Variants in C17orf107 observed in about 807,000 individuals in gnomAD.
The protein encoded by C17orf107 is uncharacterized protein C17orf107.
Under a neutral mutation model 8.9 loss-of-function variants are expected in C17orf107, and 9 were observed. The ratio of observed to expected loss-of-function variants is 1.02; its 90% CI spans 0.61 to 1.77. The LOEUF is 1.77. C17orf107 is among the 40% of genes most tolerant of loss of function. The pLI is 0.00. For missense variants in C17orf107, 281 were observed against 249.0 expected (o/e 1.13, Z -0.86); for synonymous variants, 139 against 120.3 (o/e 1.16, Z -1.02).
chr17:4,900,487 T>TA lies in C17orf107; in HGVS notation c.527_528insA (p.Gly177ArgfsTer66). ...CGACAGTCGCAACAGCAGCTAGGCC[T>TA]CGGAATCCCCGGAGAACCGGTGAGC... On this transcript the variant is annotated frameshift_variant, in exon 3 of 3. Transcript: ENST00000381365. LOFTEE classifies it low-confidence loss of function (END_TRUNC). 3 of 1,550,972 alleles carry TA rather than the reference T, an allele frequency of 1.9e-6. No individual in the cohort carries two copies. The highest frequency in any genetic ancestry group is 2.6e-6 in the Non-Finnish European group (3 of 1,146,960).
chr17:4,901,236 C>T lies in C17orf107; in HGVS notation c.*703C>T. The T allele has an allele frequency of 6.3e-7, 1 of 1,585,332 alleles. No homozygotes were observed. Among genetic ancestry groups the T allele is most frequent in the Non-Finnish European group, 8.6e-7 (1 of 1,169,534 alleles). Reference sequence around the variant, plus strand: ...CAGCTGGCTGTCAGAGCGGGGCGCCCGCCGAGCTGACAGCGGGCTGAAGAG... The same window carrying T: ...CAGCTGGCTGTCAGAGCGGGGCGCCTGCCGAGCTGACAGCGGGCTGAAGAG... On this transcript the variant is annotated 3_prime_UTR_variant, in exon 3 of 3. Transcript: ENST00000381365.
chr17:4,904,865 C>T (rs1970072002), downstream of C17orf107, among the ~76,000 whole-genome samples: 1 of 152,168 alleles, frequency 6.6e-6, no homozygotes, highest in Non-Finnish European at 1.5e-5. Flanking sequence ...TGTGTAAAGC[C>T]TCTGTTTCCA....
Position 4,899,947 on chromosome 17 carries a change from G to C in C17orf107, c.78G>C (p.Gln26His). The C allele has an allele frequency of 6.4e-7, 1 of 1,550,804 alleles. No individual in the cohort carries two copies. The highest frequency in any genetic ancestry group is 8.7e-7 in the Non-Finnish European group (1 of 1,146,516). The change falls in exon 2 of 3, where the codon CAG becomes CAC. Residue 26 changes from glutamine (Q) to histidine (H), a missense_variant. By Grantham distance (24) the Gln-to-His change is conservative. Coordinates refer to ENST00000381365, the MANE Select transcript of C17orf107 (RefSeq NM_001145536.2). ...TGCTCCTTCTCCAGGTGGCCCTCCAGCCCCCGCTTCTGTCTTCCCTGGAAC... is the reference window on the plus strand; with the variant it reads ...TGCTCCTTCTCCAGGTGGCCCTCCACCCCCCGCTTCTGTCTTCCCTGGAAC... The part of the protein sequence containing the change: ...HFHSSTEVAL[Q>H]PPLLSSLELS...
At chr17:4,906,714 C>T (rs1970096611), downstream of C17orf107, among the ~76,000 whole-genome samples, 1 of 151,682 alleles carries the variant, frequency 6.6e-6, no homozygotes, top group Non-Finnish European at 1.5e-5. Context: ...TTTTAAAAAA[C>T]AGATGAATGG....
rs746772722 is a variant in C17orf107 at position 4,900,994 on chromosome 17, C to T, written c.*461C>T. The T allele has an allele frequency of 1.2e-6, 2 of 1,613,940 alleles. No homozygotes were observed. The highest frequency in any genetic ancestry group is 1.6e-4 in the Middle Eastern group (1 of 6,062). Reference sequence around the variant, plus strand: ...AGGTTCGGGGCCACTGCTTACCCTGCGCCGGCAGGAAGTAGGCGAGCAGCA... The same window carrying T: ...AGGTTCGGGGCCACTGCTTACCCTGTGCCGGCAGGAAGTAGGCGAGCAGCA... On this transcript the variant is annotated 3_prime_UTR_variant, in exon 3 of 3. Coordinates refer to ENST00000381365, the MANE Select transcript of C17orf107 (RefSeq NM_001145536.2).
Position 4,901,276 on chromosome 17 carries a change from C to T in C17orf107, c.*743C>T. The T allele has an allele frequency of 6.8e-7, 1 of 1,469,616 alleles. No individual in the cohort carries two copies. The highest frequency in any genetic ancestry group is 9.3e-7 in the Non-Finnish European group (1 of 1,073,066). The allele number at this position is 1,469,616 out of a possible 1,614,324, so 91.0% of individuals were successfully genotyped here. A position where few individuals can be genotyped will look rare whatever the true frequency, so the allele number is the denominator to read the frequency against. ...GGGCTGAAGAGGAGGCTGCGGCTGTCTGCACCAGGGTCATGGGCCGTCAGG... is the reference window on the plus strand; with the variant it reads ...GGGCTGAAGAGGAGGCTGCGGCTGTTTGCACCAGGGTCATGGGCCGTCAGG... On this transcript the variant is annotated 3_prime_UTR_variant, in exon 3 of 3. Coordinates refer to ENST00000381365, the MANE Select transcript of C17orf107 (RefSeq NM_001145536.2).
chr17:4,904,359 G>A (rs148974580), downstream of C17orf107, among the ~76,000 whole-genome samples: 136 of 152,040 alleles, frequency 8.9e-4, no homozygotes, highest in African/African-American at 2.8e-3. Context: ...CACCACGCCC[G>A]GCCTCAGTGT....
chr17:4,904,856 G>A (rs561725741), downstream of C17orf107, among the ~76,000 whole-genome samples: 1 of 152,234 alleles, frequency 6.6e-6, no homozygotes, highest in South Asian at 2.1e-4. Context: ...TCCCACACTT[G>A]TGTAAAGCCT....
At position 4,901,839 on chromosome 17, in the gene C17orf107, CCCCGCCCCG is replaced by C; in HGVS notation, c.*1307_*1315del. On this transcript the variant is annotated 3_prime_UTR_variant, in exon 3 of 3. Transcript: ENST00000381365. ...GCCTGGCTCCGCCTCCAGCGCGAAG[CCCCGCCCCG>C]AGGGCGGTGCTTCCCGGTTGGCCCC... is the stretch of plus-strand genomic sequence containing the variant. The C allele has an allele frequency of 2.5e-6, 4 of 1,569,200 alleles. No homozygotes were observed. Among genetic ancestry groups the C allele is most frequent in the Non-Finnish European group, 3.5e-6 (4 of 1,146,142 alleles).
At chr17:4,905,927 G>C (rs1970087719), downstream of C17orf107, among the ~76,000 whole-genome samples, 1 of 152,284 alleles carries the variant, frequency 6.6e-6, no homozygotes, top group Admixed American at 6.5e-5. Context: ...GAACTTACTA[G>C]ACCAGTGTCA....
downstream of C17orf107, among the ~76,000 whole-genome samples, chr17:4,903,314 G>A (rs919758524): frequency 6.6e-6 from 1 of 152,178 alleles, no homozygotes; most frequent in South Asian, 2.1e-4. Context: ...CAACTCCCCA[G>A]CCACAGATGT....
chr17:4,900,796 C>T lies in C17orf107; in HGVS notation c.*263C>T, dbSNP rs919271118. ...CCCGCGGGGGCTCCGGCTTCACCTG[C>T]CCAGGAGCGGCACGCTCAGAGAAGT... On this transcript the variant is annotated 3_prime_UTR_variant, in exon 3 of 3. Transcript: ENST00000381365. The T allele has an allele frequency of 6.2e-7, 1 of 1,613,452 alleles. No individual in the cohort carries two copies. The highest frequency in any genetic ancestry group is 8.5e-7 in the Non-Finnish European group (1 of 1,179,648).
chr17:4,904,358 C>T (rs533806423), downstream of C17orf107, among the ~76,000 whole-genome samples: 13 of 152,170 alleles, frequency 8.5e-5, no homozygotes, highest in African/African-American at 2.4e-4. Context: ...CCACCACGCC[C>T]GGCCTCAGTG....
chr17:4,902,420 A>G lies in C17orf107; in HGVS notation c.*1887A>G, dbSNP rs747504680. The G allele has an allele frequency of 2.5e-6, 4 of 1,614,046 alleles. No homozygotes were observed. The highest frequency in any genetic ancestry group is 3.4e-6 in the Non-Finnish European group (4 of 1,179,982). The stretch of plus-strand genomic sequence containing the variant: ...GGGGAAAAGGGGTGCCCTGGACAAG[A>G]CCTCACACCATTCCCCAGATTTGAC... On this transcript the variant is annotated 3_prime_UTR_variant, in exon 3 of 3. Transcript: ENST00000381365. This position sits in a 1 kb window ranked among gnomAD's most constrained non-coding sequence, Gnocchi z 4.0.
At chr17:4,903,124 G>A, downstream of C17orf107, 1 of 1,573,982 alleles carries the variant, frequency 6.4e-7, no homozygotes, top group Middle Eastern at 1.7e-4. Context: ...GGCATGCCAG[G>A]GTGCCTGTGT....
downstream of C17orf107, chr17:4,903,212 GACATTT>G: frequency 3.7e-6 from 3 of 821,026 alleles, no homozygotes; most frequent in Non-Finnish European, 6.1e-6. Context: ...TGCAGCTGGG[GACATTT>G]TGGCTGCTTC....
Position 4,902,628 on chromosome 17 carries a change from A to T in C17orf107, c.*2095A>T. On this transcript the variant is annotated 3_prime_UTR_variant, in exon 3 of 3. Transcript: ENST00000381365. This position sits in a 1 kb window ranked among gnomAD's most constrained non-coding sequence, Gnocchi z 4.0. ...AGGGTGGGGGTAGCTTACCAGTGAG[A>T]TGAGATTCGTCAGGGTGACCTTGAG... is the stretch of plus-strand genomic sequence containing the variant. 1.2e-6 allele frequency: 2 copies of T among 1,614,022 alleles called. No individual in the cohort carries two copies. Among genetic ancestry groups the T allele is most frequent in the Non-Finnish European group, 1.7e-6 (2 of 1,179,990 alleles).
chr17:4,900,312 C>A lies in C17orf107; in HGVS notation c.352C>A (p.Pro118Thr), dbSNP rs1012817390. 2.1e-5 allele frequency: 33 copies of A among 1,545,398 alleles called. No homozygotes were observed. The Admixed American group carries it at 3.7e-4, about 17-fold the overall frequency. ...GGGCCCAGCCCCAGACGGCAGGGAT[C>A]CGGGTGCAGCGCTGAGCCGGGTAGC... ...SAGPAPDGRD[P>T]GAALSRVAQA... The change falls in exon 3 of 3, where the codon CCG becomes ACG. Residue 118 changes from proline (P) to threonine (T), a missense_variant. By Grantham distance (38) the Pro-to-Thr change is conservative. Transcript: ENST00000381365.
At position 4,901,368 on chromosome 17, in the gene C17orf107, A is replaced by C; in HGVS notation, c.*835A>C. On this transcript the variant is annotated 3_prime_UTR_variant, in exon 3 of 3. Coordinates refer to ENST00000381365, the MANE Select transcript of C17orf107 (RefSeq NM_001145536.2). ...GTATGGAAAGCCAGAAGGCAGGACT[A>C]GAGTAACAATCGAGAATGATTTCAG... 3 of 933,134 alleles carry C rather than the reference A, an allele frequency of 3.2e-6. No individual in the cohort carries two copies. The highest frequency in any genetic ancestry group is 5.1e-6 in the Non-Finnish European group (3 of 587,958). 57.8% of individuals were successfully genotyped at this position (933,134 alleles called of 1,614,324 possible).
Sources: gnomAD v4.1 joint callset for allele counts (sites outside exome capture counted in the v4.1 genomes callset) on GRCh38, gnomAD v4.1.1 for gene constraint, Gnocchi (gnomAD v3.1) non-coding constraint, MANE v1.5 for transcripts, NCBI Gene and HGNC (gene_info 2026-07-23, HGNC 2026-07-21) for gene names.